TMEM132C: variants seen among roughly 807,000 people sequenced by gnomAD.
The protein encoded by TMEM132C is transmembrane protein 132C, also known as protein phosphatase 1, regulatory subunit 152.
In TMEM132C, 29 loss-of-function variants were observed where a neutral mutation model predicts 61.4. The ratio of observed to expected loss-of-function variants is 0.47; its 90% CI spans 0.35 to 0.64. TMEM132C has a LOEUF of 0.64. Among genes scored for constraint, TMEM132C ranks in the 30% least tolerant of loss-of-function variants. The pLI, the probability that TMEM132C is intolerant of heterozygous loss-of-function variation, is 0.00. For missense variants in TMEM132C, 1,408 were observed against 1,476.9 expected (o/e 0.95, Z 0.76); for synonymous variants, 656 against 633.1 (o/e 1.04, Z -0.54).
At chr12:128,277,982 A>G (rs1305442734) in intron 1 of TMEM132C, among the ~76,000 whole-genome samples, 1 of 152,064 alleles carries the variant, frequency 6.6e-6, no homozygotes, top group Non-Finnish European at 1.5e-5. Context: ...GGGCACTGCA[A>G]TAGTAGCATC....
At chr12:128,670,689 A>G (rs1954523630) in intron 5 of TMEM132C, among the ~76,000 whole-genome samples, 1 of 152,198 alleles carries the variant, frequency 6.6e-6, no homozygotes, top group South Asian at 2.1e-4. Flanking sequence ...ATAGACCATC[A>G]GTGGTGCTTT....
intron 1 of TMEM132C, among the ~76,000 whole-genome samples, chr12:128,343,860 A>G (rs943618067): frequency 6.6e-6 from 1 of 152,228 alleles, no homozygotes. Context: ...CAATATACAT[A>G]CAATAAAATT....
chr12:128,285,641 C>G (rs1871030594), intron 1 of TMEM132C, among the ~76,000 whole-genome samples: 1 of 147,002 alleles, frequency 6.8e-6, no homozygotes, highest in South Asian at 2.1e-4. Context: ...TATTCATTCT[C>G]TCTCTCTCTC....
intron 3 of TMEM132C, among the ~76,000 whole-genome samples, chr12:128,549,438 G>A (rs764513659): frequency 9.9e-5 from 15 of 152,144 alleles, no homozygotes; most frequent in African/African-American, 2.4e-4. Context: ...TGCTTGGCTC[G>A]GAAAATATCC....
At chr12:128,269,353 T>TGTGTGTGTGTGTGTGTGTGC (rs1870432269) in intron 1 of TMEM132C, among the ~76,000 whole-genome samples, 2 of 151,220 alleles carry the variant, frequency 1.3e-5, no homozygotes, top group African/African-American at 4.9e-5. Context: ...ATTCCGTGTG[T>TGTGTGTGTGTGTGTGTGTGC]GTGTGTGTGT....
chr12:128,360,170 G>A (rs1396004654), intron 1 of TMEM132C, among the ~76,000 whole-genome samples: 1 of 151,324 alleles, frequency 6.6e-6, no homozygotes, highest in Admixed American at 6.6e-5. Flanking sequence ...TCATCTAATA[G>A]GTCTCATAGT....
At chr12:128,517,719 T>C (rs946265708) in intron 2 of TMEM132C, among the ~76,000 whole-genome samples, 4 of 152,136 alleles carry the variant, frequency 2.6e-5, no homozygotes, top group African/African-American at 9.7e-5. Context: ...ATTGCAGACG[T>C]TGTTATTGGT....
chr12:128,575,044 C>T (rs949713678), intron 3 of TMEM132C, among the ~76,000 whole-genome samples: 2 of 152,216 alleles, frequency 1.3e-5, no homozygotes, highest in African/African-American at 4.8e-5. Context: ...ACTACAATTC[C>T]TCGCTGTGTC....
chr12:128,298,399 T>G (rs928282378), intron 1 of TMEM132C, among the ~76,000 whole-genome samples: 1 of 150,866 alleles, frequency 6.6e-6, no homozygotes, highest in Non-Finnish European at 1.5e-5. Context: ...TTGATTTTTT[T>G]GTCTGTTTAT....
chr12:128,520,387 G>C (rs1193838813), intron 2 of TMEM132C, among the ~76,000 whole-genome samples: 1 of 152,230 alleles, frequency 6.6e-6, no homozygotes, highest in Non-Finnish European at 1.5e-5. Flanking sequence ...GAATGGATGT[G>C]AGCAAAAGAG....
intron 1 of TMEM132C, among the ~76,000 whole-genome samples, chr12:128,408,759 A>G (rs1868407790): frequency 6.6e-6 from 1 of 152,210 alleles, no homozygotes; most frequent in Non-Finnish European, 1.5e-5. Context: ...TGGTGACCCC[A>G]GAACAAGGCC....
chr12:128,449,306 C>T (rs1392737032), intron 2 of TMEM132C, among the ~76,000 whole-genome samples: 1 of 152,126 alleles, frequency 6.6e-6, no homozygotes, highest in Non-Finnish European at 1.5e-5. Flanking sequence ...GCTCCAGTCA[C>T]TCCCTATAGT....
chr12:128,641,288 TC>T (rs1473922420), intron 4 of TMEM132C, among the ~76,000 whole-genome samples: 1 of 152,046 alleles, frequency 6.6e-6, no homozygotes. Context: ...TGCAGACATG[TC>T]CCCCCAGTGT....
intron 5 of TMEM132C, among the ~76,000 whole-genome samples, chr12:128,674,161 C>T (rs1249479588): frequency 6.6e-6 from 1 of 152,242 alleles, no homozygotes; most frequent in Non-Finnish European, 1.5e-5. Context: ...TGGTTTCTGT[C>T]TCTATAGATT....
chr12:128,349,119 T>C (rs1005628275), intron 1 of TMEM132C, among the ~76,000 whole-genome samples: 1 of 152,196 alleles, frequency 6.6e-6, no homozygotes, highest in Non-Finnish European at 1.5e-5. Context: ...TTCTCCTGGC[T>C]CAGCCTCCCA....
At chr12:128,587,652 C>T (rs558448192) in intron 3 of TMEM132C, among the ~76,000 whole-genome samples, 1 of 152,338 alleles carries the variant, frequency 6.6e-6, no homozygotes, top group South Asian at 2.1e-4. Context: ...CTCAGATTCT[C>T]CCAATGAGTC....
intron 2 of TMEM132C, among the ~76,000 whole-genome samples, chr12:128,526,835 A>G (rs1471627220): frequency 6.6e-6 from 1 of 152,192 alleles, no homozygotes; most frequent in Non-Finnish European, 1.5e-5. Flanking sequence ...GCAGCAGTAC[A>G]GAGCCTGGAC....
At chr12:128,551,800 G>A (rs1874186054) in intron 3 of TMEM132C, among the ~76,000 whole-genome samples, 1 of 152,174 alleles carries the variant, frequency 6.6e-6, no homozygotes, top group African/African-American at 2.4e-5. Flanking sequence ...AGGTGTCCGG[G>A]TGAGTCTGAG....
At chr12:128,409,414 C>A (rs1683722) in intron 1 of TMEM132C, among the ~76,000 whole-genome samples, 151,764 of 152,172 alleles carry the variant, frequency 1, 75,679 homozygotes, top group South Asian at 1. Context: ...ACAAGCAGGC[C>A]GGTCCATGGC....
Sources: allele counts gnomAD v4.1 joint callset (sites outside exome capture counted in the v4.1 genomes callset), GRCh38; gene constraint gnomAD v4.1.1; transcripts MANE v1.5; gene names NCBI Gene and HGNC (gene_info 2026-07-23, HGNC 2026-07-21).